The following BNIP5 variants were observed in gnomAD, a reference collection of about 807,000 sequenced individuals.
BNIP5 encodes the protein protein BNIP5.
Under a neutral mutation model 67.3 loss-of-function variants are expected in BNIP5, and 61 were observed. The observed-to-expected ratio is 0.91, with a 90% CI of 0.74 to 1.12. BNIP5 has a LOEUF of 1.12. Ranked by LOEUF, BNIP5 falls within the 50% of genes most tolerant of loss-of-function variation. BNIP5 has a pLI of 0.00. For missense variants in BNIP5, 826 were observed against 816.3 expected (o/e 1.01, Z -0.14); for synonymous variants, 317 against 319.0 (o/e 0.99, Z 0.07).
At chr6:36,317,724 C>T (rs1017386459) in intron 11 of BNIP5, among the ~76,000 whole-genome samples, 1 of 152,126 alleles carries the variant, frequency 6.6e-6, no homozygotes, top group African/African-American at 2.4e-5. Flanking sequence ...GCAGATGAAG[C>T]CTTTGAAGGC....
At chr6:36,318,626 G>A (rs960969168) in intron 11 of BNIP5, among the ~76,000 whole-genome samples, 2 of 152,066 alleles carry the variant, frequency 1.3e-5, no homozygotes, top group Admixed American at 6.6e-5. Flanking sequence ...AGAGGCTGAG[G>A]TGGGAGGATC....
At chr6:36,319,695 A>C in intron 10 of BNIP5, 85 bp from the exon 11 acceptor site, 4 of 1,500,534 alleles carry the variant, frequency 2.7e-6, no homozygotes, top group Non-Finnish European at 3.6e-6. Context: ...CCATGCAGCC[A>C]GGCGGGGCAC....
chr6:36,326,966 C>T (rs1488585542), intron 4 of BNIP5, 64 bp downstream of exon 4: 6 of 1,500,356 alleles, frequency 4.0e-6, no homozygotes, highest in East Asian at 2.3e-5. Flanking sequence ...ACAGGTGGAG[C>T]TTGGCAGAGG....
rs1431881057 is a variant in BNIP5, at chr6:36,323,525, T to C, written c.1239A>G (p.Gln413=). The C allele has an allele frequency of 6.2e-7, 1 of 1,614,072 alleles. No homozygotes were observed. Among genetic ancestry groups the C allele is most frequent in the Admixed American group, 1.7e-5 (1 of 60,024 alleles). Residue 413 remains glutamine, a synonymous_variant, in exon 8 of 12, where the codon CAA becomes CAG. Coordinates refer to ENST00000437635, the MANE Select transcript of BNIP5 (RefSeq NM_001010903.5). ...CTACACCCACCTCTTCCTGCTGGAC[T>C]TGAGGTTGCTGTGGGGGAGATGAGA... The part of the protein sequence containing the change: ...AEEQQGEEQP[Q]VQQEEVGVEN...
At chr6:36,322,970 T>G (rs1267104441) in intron 8 of BNIP5, among the ~76,000 whole-genome samples, 12 of 152,244 alleles carry the variant, frequency 7.9e-5, no homozygotes, top group Non-Finnish European at 1.5e-4. Context: ...TGTGCTTTTC[T>G]ATGAACTGGC....
intron 5 of BNIP5, among the ~76,000 whole-genome samples, chr6:36,326,063 C>G (rs962519491): frequency 6.6e-6 from 1 of 152,218 alleles, no homozygotes; most frequent in East Asian, 1.9e-4. Context: ...GAGGACTGAT[C>G]GTGTTATAGA....
intron 1 of BNIP5, among the ~76,000 whole-genome samples, chr6:36,335,200 C>A (rs192689166): frequency 6.6e-6 from 1 of 152,202 alleles, no homozygotes; most frequent in African/African-American, 2.4e-5. Flanking sequence ...TGCACGGTGA[C>A]CTCATCTCTA....
intron 11 of BNIP5, among the ~76,000 whole-genome samples, chr6:36,318,627 T>G (rs1582119919): frequency 6.7e-6 from 1 of 149,574 alleles, no homozygotes; most frequent in Non-Finnish European, 1.5e-5. Context: ...GAGGCTGAGG[T>G]GGGAGGATCA....
At chr6:36,321,312 T>C in intron 9 of BNIP5, 93 bp from the exon 10 acceptor site, 1 of 858,504 alleles carries the variant, frequency 1.2e-6, no homozygotes, top group Non-Finnish European at 1.9e-6. Flanking sequence ...CATCCACCTG[T>C]GAAAGACAAT....
chr6:36,321,565 G>A (rs1160687456), intron 9 of BNIP5, among the ~76,000 whole-genome samples: 5 of 152,110 alleles, frequency 3.3e-5, no homozygotes, highest in African/African-American at 1.2e-4. Flanking sequence ...GAGTTTGGAC[G>A]AGGAGCAGCA....
chr6:36,319,243 T>TG (rs1281004940), intron 11 of BNIP5, 113 bp downstream of exon 11: 1 of 1,339,548 alleles, frequency 7.5e-7, no homozygotes, highest in African/African-American at 1.5e-5. Flanking sequence ...GACCCAAAAA[T>TG]TCTGAACTGA....
At chr6:36,325,574 A>G (rs1771744955) in intron 5 of BNIP5, among the ~76,000 whole-genome samples, 160 bp from the exon 6 acceptor site, 1 of 152,158 alleles carries the variant, frequency 6.6e-6, no homozygotes, top group Admixed American at 6.5e-5. Flanking sequence ...CCTCTGATTT[A>G]CTGGCCCAGA....
chr6:36,324,210 A>G lies in BNIP5; in HGVS notation c.1169-20T>C, dbSNP rs755689862. The G allele has an allele frequency of 1.1e-5, 18 of 1,607,082 alleles. No individual in the cohort carries two copies. The highest frequency in any genetic ancestry group is 2.2e-5 in the South Asian group (2 of 90,972). ...ATTCTTCTGAAAAAGATCAACACGC[A>G]TGGTTAACTTTGGTGCTACGAAATC... is the stretch of plus-strand genomic sequence containing the variant. On this transcript the variant is annotated intron_variant, in intron 6 of 11. Coordinates refer to ENST00000437635, the MANE Select transcript of BNIP5 (RefSeq NM_001010903.5).
Position 36,324,118 on chromosome 6 carries a change from G to A in BNIP5, c.1230+11C>T, listed in dbSNP as rs374295643. ...GTGAGGTCAGGGTTACATGGGGAGC[G>A]TCTTCCTCACCTCCTCTCCTTGCTG... On this transcript the variant is annotated intron_variant, in intron 7 of 11. Coordinates refer to ENST00000437635, the MANE Select transcript of BNIP5 (RefSeq NM_001010903.5). 98 of 1,610,976 alleles carry A rather than the reference G, an allele frequency of 6.1e-5. No individual in the cohort carries two copies. Among genetic ancestry groups the A allele is most frequent in the African/African-American group, 2.1e-4 (16 of 74,768 alleles).
chr6:36,329,362 A>T (rs1771832934), intron 2 of BNIP5, among the ~76,000 whole-genome samples: 1 of 152,222 alleles, frequency 6.6e-6, no homozygotes, highest in Non-Finnish European at 1.5e-5. Context: ...CCACTCCATG[A>T]GACAGTAACG....
chr6:36,320,350 C>A (rs979021648), intron 10 of BNIP5, among the ~76,000 whole-genome samples: 1 of 152,210 alleles, frequency 6.6e-6, no homozygotes, highest in African/African-American at 2.4e-5. Context: ...TCGCTGAGAG[C>A]ACATTCCTCA....
intron 1 of BNIP5, among the ~76,000 whole-genome samples, chr6:36,333,632 C>T (rs1367925430): frequency 6.6e-6 from 1 of 152,208 alleles, no homozygotes; most frequent in African/African-American, 2.4e-5. Context: ...AGGGAATATT[C>T]TGGTCTTCTC....
rs771256826 is a variant in BNIP5 at position 36,330,292 on chromosome 6, C to T, written c.399G>A (p.Pro133=). Residue 133 remains proline (P), a synonymous_variant, in exon 2 of 12, where the codon CCG becomes CCA. Transcript: ENST00000437635. ...GCTCCCCTGCTGCTTCCAGGGGCTC[C>T]GGATGCTGGGAGATACCCTCCTTCC... The part of the protein sequence containing the change: ...PRGKEGISQH[P]EPLEAAGEPA... The T allele has an allele frequency of 6.1e-5, 98 of 1,614,086 alleles. No homozygotes were observed. Among genetic ancestry groups the T allele is most frequent in the South Asian group, 3.5e-4 (32 of 91,088 alleles).
At chr6:36,327,463 A>C (rs7739374) in intron 3 of BNIP5, among the ~76,000 whole-genome samples, 221 of 152,326 alleles carry the variant, frequency 1.5e-3, no homozygotes, top group Non-Finnish European at 2.3e-3. Flanking sequence ...TGTGGGTGAT[A>C]ATCTTTGTCC....
Sources: allele counts gnomAD v4.1 joint callset (sites outside exome capture counted in the v4.1 genomes callset), GRCh38; gene constraint gnomAD v4.1.1; transcripts MANE v1.5; gene names NCBI Gene and HGNC (gene_info 2026-07-23, HGNC 2026-07-21).